Variants in QTMAN observed in about 807,000 individuals in gnomAD.
QTMAN encodes the protein tRNA-queuosine alpha-mannosyltransferase.
the QTMAN span, among the ~76,000 whole-genome samples, chr2:144,313,136 CA>C: frequency 6.6e-6 from 1 of 152,280 alleles, no homozygotes; most frequent in Non-Finnish European, 1.5e-5. Flanking sequence ...AAAAAAGGTC[CA>C]TTTGGGGAGA....
At chr2:144,202,505 T>TTAAAA in the QTMAN span, among the ~76,000 whole-genome samples, 1 of 152,194 alleles carries the variant, frequency 6.6e-6, no homozygotes, top group Non-Finnish European at 1.5e-5. Flanking sequence ...AGACTAATAG[T>TTAAAA]CTCAATCATT....
the QTMAN span, among the ~76,000 whole-genome samples, chr2:144,114,729 T>C: frequency 2.3e-5 from 3 of 131,420 alleles, no homozygotes; most frequent in Non-Finnish European, 3.4e-5. Flanking sequence ...AAACAAGAGG[T>C]TGCACTTAGA....
At chr2:144,150,841 G>A in the QTMAN span, among the ~76,000 whole-genome samples, 4 of 152,136 alleles carry the variant, frequency 2.6e-5, no homozygotes, top group African/African-American at 7.2e-5. Flanking sequence ...CTATTCCAAA[G>A]AGAGATAGCT....
At chr2:144,114,061 A>T in the QTMAN span, among the ~76,000 whole-genome samples, 1 of 152,160 alleles carries the variant, frequency 6.6e-6, no homozygotes, top group Non-Finnish European at 1.5e-5. Context: ...AGAAAATATG[A>T]GCTGTGATAC....
At chr2:143,950,347 A>G in the QTMAN span, among the ~76,000 whole-genome samples, 3 of 151,756 alleles carry the variant, frequency 2.0e-5, no homozygotes, top group Admixed American at 2.0e-4. Context: ...TGTAAAATAA[A>G]TAATTATAGC....
chr2:144,182,205 C>A, the QTMAN span, among the ~76,000 whole-genome samples: 3 of 152,290 alleles, frequency 2.0e-5, no homozygotes, highest in South Asian at 2.1e-4. Context: ...ATGGTACATT[C>A]AACATGCAAA....
At chr2:144,057,938 G>A in the QTMAN span, among the ~76,000 whole-genome samples, 1 of 152,022 alleles carries the variant, frequency 6.6e-6, no homozygotes, top group Non-Finnish European at 1.5e-5. Flanking sequence ...AGTCTCCCAA[G>A]TAGCTGCTGG....
At chr2:144,053,985 A>G in the QTMAN span, among the ~76,000 whole-genome samples, 7 of 152,112 alleles carry the variant, frequency 4.6e-5, no homozygotes, top group Admixed American at 4.6e-4. Context: ...CAGGAGATCG[A>G]GATCATCCTG....
At chr2:144,303,314 T>C in the QTMAN span, among the ~76,000 whole-genome samples, 1 of 152,184 alleles carries the variant, frequency 6.6e-6, no homozygotes, top group African/African-American at 2.4e-5. Context: ...GGAGACTTAC[T>C]GGACAGGCCC....
chr2:144,133,005 C>T, the QTMAN span, among the ~76,000 whole-genome samples: 7 of 144,320 alleles, frequency 4.9e-5, no homozygotes, highest in Admixed American at 1.5e-4. Flanking sequence ...TAGTGATTTG[C>T]CCTAGGCTGA....
the QTMAN span, among the ~76,000 whole-genome samples, chr2:144,258,404 A>G: frequency 6.6e-6 from 1 of 152,320 alleles, no homozygotes; most frequent in South Asian, 2.1e-4. Flanking sequence ...TACGGAATTC[A>G]AGAGAGATAA....
chr2:144,117,030 T>G, the QTMAN span, among the ~76,000 whole-genome samples: 13 of 152,204 alleles, frequency 8.5e-5, no homozygotes, highest in Non-Finnish European at 1.5e-4. Flanking sequence ...GTCAAAAAAG[T>G]GAAGCCTGGT....
the QTMAN span, among the ~76,000 whole-genome samples, chr2:144,322,935 AG>A: frequency 6.6e-6 from 1 of 152,204 alleles, no homozygotes; most frequent in African/African-American, 2.4e-5. Context: ...TCATCTCATC[AG>A]GAAAATCTTT....
the QTMAN span, among the ~76,000 whole-genome samples, chr2:144,191,487 T>C: frequency 2.6e-5 from 4 of 152,294 alleles, no homozygotes; most frequent in East Asian, 7.7e-4. Flanking sequence ...AAATCGCCTA[T>C]CATTGTTTTC....
At chr2:144,103,346 G>A in the QTMAN span, among the ~76,000 whole-genome samples, 1 of 152,190 alleles carries the variant, frequency 6.6e-6, no homozygotes, top group African/African-American at 2.4e-5. Flanking sequence ...CTGACTCAAA[G>A]GACAGTGAGT....
the QTMAN span, among the ~76,000 whole-genome samples, chr2:144,105,286 T>C: frequency 6.6e-6 from 1 of 152,174 alleles, no homozygotes; most frequent in Non-Finnish European, 1.5e-5. Context: ...AGAAGAAGGC[T>C]TCAGATGATC....
At chr2:143,963,809 T>C in the QTMAN span, 1 of 152,146 alleles carries the variant, frequency 6.6e-6, no homozygotes, top group Non-Finnish European at 1.5e-5. Flanking sequence ...TATGTTTTGT[T>C]GTTTTCTTTA....
chr2:144,052,980 C>T, the QTMAN span, among the ~76,000 whole-genome samples: 1 of 152,106 alleles, frequency 6.6e-6, no homozygotes, highest in Non-Finnish European at 1.5e-5. Flanking sequence ...GTTATGGATA[C>T]ACAGGAGGTG....
the QTMAN span, among the ~76,000 whole-genome samples, chr2:144,106,200 A>G: frequency 4.6e-5 from 7 of 152,212 alleles, no homozygotes; most frequent in African/African-American, 1.7e-4. Flanking sequence ...GCATCAACTA[A>G]CAAGCAAAAT....
Sources: gnomAD v4.1 joint callset for allele counts (sites outside exome capture counted in the v4.1 genomes callset) on GRCh38, gnomAD v4.1.1 for gene constraint, MANE v1.5 for transcripts, NCBI Gene and HGNC (gene_info 2026-07-23, HGNC 2026-07-21) for gene names.